Variants in IFT81 observed in about 807,000 individuals in gnomAD.
IFT81 encodes intraflagellar transport protein 81 homolog.
In IFT81, 72 loss-of-function variants were observed where a neutral mutation model predicts 102.6. The ratio of observed to expected loss-of-function variants is 0.70; its 90% CI spans 0.58 to 0.85. The LOEUF is 0.85. IFT81 is among the 40% of genes least tolerant of loss of function. IFT81 has a pLI of 0.00. For synonymous variants in IFT81, 237 were observed against 242.7 expected, an observed-to-expected ratio of 0.98 and a Z score of 0.22; for missense variants, 723 against 787.3, an observed-to-expected ratio of 0.92 and a Z score of 0.98.
chr12:110,216,519 ATTT>A, intron 18 of IFT81: 2 of 372,928 alleles, frequency 5.4e-6, no homozygotes, highest in Admixed American at 2.9e-5. Context: ...ATTCACCTTA[ATTT>A]TTTTTTTTTT....
At chr12:110,208,673 A>C (rs1236159501) in intron 17 of IFT81, among the ~76,000 whole-genome samples, 1 of 152,160 alleles carries the variant, frequency 6.6e-6, no homozygotes, top group Non-Finnish European at 1.5e-5. Context: ...ATAGACATTT[A>C]GTTTGTTTGC....
intron 9 of IFT81, among the ~76,000 whole-genome samples, chr12:110,146,387 T>A (rs961778103): frequency 6.6e-6 from 1 of 152,184 alleles, no homozygotes; most frequent in Non-Finnish European, 1.5e-5. Context: ...TTGTAATAAA[T>A]CCCTGGTGCA....
intron 12 of IFT81, among the ~76,000 whole-genome samples, chr12:110,187,038 C>A (rs1444370447): frequency 6.7e-6 from 1 of 148,918 alleles, no homozygotes; most frequent in Non-Finnish European, 1.5e-5. Context: ...GTTGATTAAT[C>A]TTCTTCTTTT....
At chr12:110,197,248 GTAGATAGATAGATAGATAGA>G (rs57797208) in intron 14 of IFT81, among the ~76,000 whole-genome samples, 11 of 147,156 alleles carry the variant, frequency 7.5e-5, no homozygotes, top group East Asian at 2.0e-4. Flanking sequence ...AGGTAGGTAG[GTAGATAGATAGATAGATAGA>G]TAGATAGATA....
chr12:110,216,470 CA>C (rs1870138510), intron 18 of IFT81: 1 of 452,982 alleles, frequency 2.2e-6, no homozygotes, highest in Non-Finnish European at 4.4e-6. Flanking sequence ...GCTGGAATTA[CA>C]GGTGTGAGTC....
rs202229421 is a variant in IFT81 at position 110,135,867 on chromosome 12, A to G, written c.696+430A>G. Among the ~76,000 whole-genome samples, 5 of 51,342 alleles carry G rather than the reference A, an allele frequency of 9.7e-5. No homozygotes were observed. In the East Asian group the frequency reaches 1.1e-3, roughly 11 times the overall value. The allele number at this position is 51,342 out of a possible 152,430, so 33.7% of individuals were successfully genotyped here. ...AGGCAACAGAGTGAGACTTTGTCTG[A>G]AAAAAAAAAAAAAAAAAAGATAAAT... On this transcript the variant is annotated intron_variant, in intron 7 of 18. Transcript: ENST00000242591.
Position 110,147,034 on chromosome 12 carries a change from C to G in IFT81, c.1027C>G (p.Leu343Val). 1 of 1,609,270 alleles carries G rather than the reference C, an allele frequency of 6.2e-7. No individual in the cohort carries two copies. The change falls in exon 10 of 19, where the codon CTG (leucine) becomes GTG (valine). Residue 343 changes from leucine (L) to valine (V), a missense_variant. Physicochemically the swap from Leu to Val is conservative, Grantham distance 32. Coordinates refer to ENST00000242591, the MANE Select transcript of IFT81 (RefSeq NM_014055.4). ...TGAGCCCATTGAAGGCAAACTCTCA[C>G]TGTATAGGCAACAGGTAAGAACATT... ...RNEPIEGKLS[L>V]YRQQASIISR...
intron 9 of IFT81, among the ~76,000 whole-genome samples, chr12:110,146,591 G>A (rs893700972): frequency 1.3e-5 from 2 of 152,180 alleles, no homozygotes; most frequent in African/African-American, 2.4e-5. Context: ...GTCATGAAAT[G>A]TAAATTGTTT....
rs546962676 is a variant in IFT81, at chr12:110,212,269, G to C, written c.1848+3053G>C. Among the ~76,000 whole-genome samples, 4 of 152,046 alleles carry C rather than the reference G, an allele frequency of 2.6e-5. No homozygotes were observed. In the East Asian group the frequency reaches 7.7e-4, roughly 29 times the overall value. ...AAAAAAAAAAAAAAAAACTTGGCTG[G>C]GCGCAGTGGCTCACGACTATAACCC... On this transcript the variant is annotated intron_variant, in intron 18 of 18. Transcript: ENST00000242591.
chr12:110,156,349 G>C (rs1895836140), intron 10 of IFT81, among the ~76,000 whole-genome samples: 1 of 151,000 alleles, frequency 6.6e-6, no homozygotes, highest in Non-Finnish European at 1.5e-5. Flanking sequence ...ATACAGCTTT[G>C]AGTTACTTCC....
intron 8 of IFT81, among the ~76,000 whole-genome samples, chr12:110,142,487 T>C (rs1894951817): frequency 6.6e-6 from 1 of 152,162 alleles, no homozygotes; most frequent in South Asian, 2.1e-4. Flanking sequence ...TTTTAGATTT[T>C]AACTTGTGGT....
intron 10 of IFT81, among the ~76,000 whole-genome samples, chr12:110,156,811 G>A (rs1251455364): frequency 6.6e-6 from 1 of 152,044 alleles, no homozygotes; most frequent in East Asian, 1.9e-4. Context: ...CCTTACTTTT[G>A]AAGGACAGTT....
At chr12:110,179,134 G>A (rs141477505) in intron 11 of IFT81, among the ~76,000 whole-genome samples, 363 of 152,200 alleles carry the variant, frequency 2.4e-3, no homozygotes, top group Admixed American at 5.1e-3. Context: ...TACCATCCCA[G>A]TGTCTCAGAT....
At chr12:110,138,054 A>C (rs1311624318) in intron 8 of IFT81, among the ~76,000 whole-genome samples, 2 of 152,226 alleles carry the variant, frequency 1.3e-5, no homozygotes, top group Non-Finnish European at 2.9e-5. Flanking sequence ...GACCACGCAA[A>C]CTGAAAGAGC....
intron 14 of IFT81, 75 bp from the exon 15 acceptor site, chr12:110,203,789 G>A: frequency 2.2e-6 from 2 of 903,144 alleles, no homozygotes; most frequent in Non-Finnish European, 1.9e-6. Flanking sequence ...GACTGACAAG[G>A]GCATGCATTG....
At chr12:110,186,238 C>T (rs990803901) in intron 12 of IFT81, among the ~76,000 whole-genome samples, 46 of 150,796 alleles carry the variant, frequency 3.1e-4, no homozygotes, top group Non-Finnish European at 5.3e-4. Context: ...AACTGTACAT[C>T]TTGTTTGTTT....
At chr12:110,216,419 T>A (rs888460388) in intron 18 of IFT81, 3 of 432,718 alleles carry the variant, frequency 6.9e-6, no homozygotes, top group Non-Finnish European at 1.4e-5. Flanking sequence ...GGCCTTGAAC[T>A]CCCCAGCTCA....
intron 14 of IFT81, among the ~76,000 whole-genome samples, chr12:110,196,066 TA>T (rs1271168360): frequency 1.3e-5 from 2 of 152,210 alleles, no homozygotes; most frequent in South Asian, 2.1e-4. Context: ...AGTGAATGGG[TA>T]AAATGTTTCA....
chr12:110,152,544 C>A (rs1211648712), intron 10 of IFT81, among the ~76,000 whole-genome samples: 2 of 151,654 alleles, frequency 1.3e-5, no homozygotes, highest in Non-Finnish European at 2.9e-5. Flanking sequence ...TGGATGTTAA[C>A]CCCATTTTTG....
Sources: gnomAD v4.1 joint callset for allele counts (sites outside exome capture counted in the v4.1 genomes callset) on GRCh38, gnomAD v4.1.1 for gene constraint, MANE v1.5 for transcripts, NCBI Gene and HGNC (gene_info 2026-07-23, HGNC 2026-07-21) for gene names.